CLASP1: variants seen among roughly 807,000 people sequenced by gnomAD.
CLASP1 encodes the protein CLIP-associating protein 1.
In CLASP1, 38 loss-of-function variants were observed where a neutral mutation model predicts 192.3. The observed-to-expected ratio is 0.20, with a 90% CI of 0.15 to 0.26. CLASP1 has a LOEUF of 0.26. Ranked by LOEUF, CLASP1 falls within the 10% of genes least tolerant of loss-of-function variation. The probability of loss-of-function intolerance (pLI) is 1.00; values close to 1 mark genes in which losing one functional copy is unlikely to be tolerated. For missense variants in CLASP1, 1,433 were observed against 1,932.5 expected, an observed-to-expected ratio of 0.74 and a Z score of 4.85; for synonymous variants, 691 against 712.8, an observed-to-expected ratio of 0.97 and a Z score of 0.49.
intron 8 of CLASP1, among the ~76,000 whole-genome samples, chr2:121,480,211 G>A (rs1332265717): frequency 6.6e-6 from 1 of 152,212 alleles, no homozygotes; most frequent in Non-Finnish European, 1.5e-5. Flanking sequence ...CGACACCGGG[G>A]AAAGACAGGC....
intron 7 of CLASP1, among the ~76,000 whole-genome samples, chr2:121,512,184 G>C (rs1027940568): frequency 6.6e-6 from 1 of 152,178 alleles, no homozygotes; most frequent in African/African-American, 2.4e-5. Flanking sequence ...CTTTTTAGAA[G>C]CTTGGTTCCC....
chr2:121,406,945 C>T (rs937739764), intron 25 of CLASP1, among the ~76,000 whole-genome samples: 12 of 149,796 alleles, frequency 8.0e-5, no homozygotes, highest in African/African-American at 2.2e-4. Flanking sequence ...GGGCTGGGCG[C>T]GGTGGCTCAT....
intron 6 of CLASP1, among the ~76,000 whole-genome samples, chr2:121,523,911 A>T (rs2094513336): frequency 6.6e-6 from 1 of 152,168 alleles, no homozygotes. Flanking sequence ...GAAGAAGGGG[A>T]AATGGGGGTG....
intron 32 of CLASP1, among the ~76,000 whole-genome samples, chr2:121,384,029 CACAT>C (rs1477381311): frequency 2.0e-4 from 28 of 137,906 alleles, no homozygotes; most frequent in Non-Finnish European, 3.9e-4. Context: ...CACACACACA[CACAT>C]ATATATGTAT....
chr2:121,372,176 A>T (rs1310141558), intron 34 of CLASP1, among the ~76,000 whole-genome samples: 9 of 152,234 alleles, frequency 5.9e-5, no homozygotes, highest in Middle Eastern at 3.2e-3. Flanking sequence ...ATAATAAGCA[A>T]ATAATCCAAT....
chr2:121,344,663 G>A (rs1355708461), intron 39 of CLASP1, among the ~76,000 whole-genome samples: 4 of 152,116 alleles, frequency 2.6e-5, no homozygotes, highest in South Asian at 2.1e-4. Flanking sequence ...AAAGGAGAGC[G>A]TGTTCCCATA....
At chr2:121,359,925 T>C (rs185472661) in intron 37 of CLASP1, among the ~76,000 whole-genome samples, 53 of 152,362 alleles carry the variant, frequency 3.5e-4, no homozygotes, top group African/African-American at 8.9e-4. Context: ...TCTGCACATA[T>C]AGCTTCTTTT....
chr2:121,531,184 C>T (rs1217269155), intron 2 of CLASP1, among the ~76,000 whole-genome samples: 3 of 152,220 alleles, frequency 2.0e-5, no homozygotes, highest in Admixed American at 6.5e-5. Flanking sequence ...AACTTCACCC[C>T]TTTAACTTTA....
intron 19 of CLASP1, among the ~76,000 whole-genome samples, chr2:121,436,094 T>G (rs941317396): frequency 2.6e-5 from 4 of 152,008 alleles, no homozygotes; most frequent in Non-Finnish European, 5.9e-5. Context: ...TACAGTGGTG[T>G]GATCTCAGCT....
chr2:121,536,378 G>GAAAAAAAAAAAAAAAAAA (rs59632661), intron 2 of CLASP1, among the ~76,000 whole-genome samples: 1 of 48,310 alleles, frequency 2.1e-5, no homozygotes, highest in African/African-American at 8.6e-5. Flanking sequence ...AAGACTGTCT[G>GAAAAAAAAAAAAAAAAAA]AAAAAAAAAA....
At chr2:121,600,911 A>T (rs754227624) in intron 2 of CLASP1, among the ~76,000 whole-genome samples, 6 of 152,146 alleles carry the variant, frequency 3.9e-5, no homozygotes, top group Non-Finnish European at 8.8e-5. Context: ...ACGGACACTC[A>T]TTTTCCAGTG....
chr2:121,448,926 A>G (rs1254942816), intron 17 of CLASP1, 27 bp downstream of exon 17: 2 of 1,596,020 alleles, frequency 1.3e-6, no homozygotes, highest in South Asian at 1.1e-5. Flanking sequence ...TTCTCACATG[A>G]ATGATAAGCA....
chr2:121,498,366 C>T (rs1313786775), intron 8 of CLASP1, among the ~76,000 whole-genome samples: 2 of 151,970 alleles, frequency 1.3e-5, no homozygotes, highest in African/African-American at 4.8e-5. Context: ...CCCCACCACA[C>T]CTGGCTAATT....
rs562401681 is a variant in CLASP1, at chr2:121,503,480, G to A, written c.645-246C>T. ...AGATCTCATTTAATCTCCTTGAGGT[G>A]ACACAGGTGTGGGGTGGAGATTCTA... On this transcript the variant is annotated intron_variant, in intron 7 of 39. Transcript: ENST00000263710. Among the ~76,000 whole-genome samples, 6 of 152,338 alleles carry A rather than the reference G, an allele frequency of 3.9e-5. No homozygotes were observed. In the South Asian group the frequency reaches 1.2e-3, roughly 32 times the overall value.
chr2:121,519,169 G>A (rs925513552), intron 6 of CLASP1, among the ~76,000 whole-genome samples: 1 of 152,210 alleles, frequency 6.6e-6, no homozygotes, highest in African/African-American at 2.4e-5. Context: ...TGTAACCTTA[G>A]ACAAAACACT....
intron 8 of CLASP1, among the ~76,000 whole-genome samples, chr2:121,473,272 C>T (rs1399058769): frequency 1.3e-5 from 2 of 151,784 alleles, no homozygotes; most frequent in Admixed American, 6.6e-5. Context: ...TTAAAGAATC[C>T]AATGGAACTT....
At chr2:121,365,424 C>A (rs1361641305) in intron 35 of CLASP1, 140 bp from the exon 37 acceptor site, 3 of 800,816 alleles carry the variant, frequency 3.7e-6, no homozygotes, top group African/African-American at 1.7e-5. Context: ...CTCCCACCCT[C>A]CGCCCTGCTT....
At chr2:121,622,256 CA>C (rs2067488157) in intron 1 of CLASP1, among the ~76,000 whole-genome samples, 1 of 151,964 alleles carries the variant, frequency 6.6e-6, no homozygotes, top group Admixed American at 6.6e-5. Flanking sequence ...TTAGATCTTT[CA>C]ATGATGTTTT....
rs184461208 is a variant in CLASP1 at position 121,519,189 on chromosome 2, T to C, written c.547-3427A>G. ...CCTTAGACAAAACACTAGAACTCCT[T>C]TGGTCTCAATTTCCTCCTCTGTAAA... On this transcript the variant is annotated intron_variant, in intron 6 of 39. Transcript: ENST00000263710. Among the ~76,000 whole-genome samples the C allele has an allele frequency of 3.9e-5, 6 of 152,376 alleles. No homozygotes were observed. The East Asian group carries it at 9.6e-4, about 24-fold the overall frequency.
Sources: allele counts gnomAD v4.1 joint callset (sites outside exome capture counted in the v4.1 genomes callset), GRCh38; gene constraint gnomAD v4.1.1; transcripts MANE v1.5; gene names NCBI Gene and HGNC (gene_info 2026-07-23, HGNC 2026-07-21).